The following SGSM2 variants were observed in gnomAD, a reference collection of about 807,000 sequenced individuals.
SGSM2 encodes RUN and TBC1 domain containing 1.
SGSM2 carries 89 observed loss-of-function variants against 126.6 expected under a neutral mutation model. The observed-to-expected ratio is 0.70, with a 90% confidence interval of 0.59 to 0.84. The LOEUF is 0.84. SGSM2 is among the 40% of genes least tolerant of loss of function. The pLI is 0.00. For synonymous variants in SGSM2, 614 were observed against 574.3 expected, an observed-to-expected ratio of 1.07 and a Z score of -0.99; for missense variants, 1,404 against 1,416.6, an observed-to-expected ratio of 0.99 and a Z score of 0.14.
At chr17:2,377,420 G>C (rs1366987185) in intron 21 of SGSM2, 6 of 202,894 alleles carry the variant, frequency 3.0e-5, no homozygotes, top group African/African-American at 4.9e-5. Context: ...GGAGGTGGAG[G>C]TTGCAGTGAG....
At position 2,364,584 on chromosome 17, in the gene SGSM2, G is replaced by T; in HGVS notation, c.933-12G>T. The T allele has an allele frequency of 1.2e-6, 2 of 1,614,058 alleles. No homozygotes were observed. The highest frequency in any genetic ancestry group is 2.2e-5 in the South Asian group (2 of 91,086). ...CTTTGGACACAGTGACAGCAGTCTG[G>T]TTCCTTTCTAGCGTTTACTGGGACT... is the stretch of plus-strand genomic sequence containing the variant. On this transcript the variant is annotated splice_polypyrimidine_tract_variant and intron_variant, in intron 8 of 23. Coordinates refer to ENST00000268989, the MANE Select transcript of SGSM2 (RefSeq NM_014853.3).
chr17:2,343,207 A>AC (rs1268752730), intron 1 of SGSM2, among the ~76,000 whole-genome samples: 1 of 152,120 alleles, frequency 6.6e-6, no homozygotes, highest in African/African-American at 2.4e-5. Flanking sequence ...TCTCTAAAGG[A>AC]CAGTATATCT....
Position 2,380,029 on chromosome 17 carries a change from G to A in SGSM2, c.*509G>A, listed in dbSNP as rs1597405280. ...AAAACTGCTTCTGGTTTAGGCACAC[G>A]TCACGGGTGCGGGAGACCCGGGCAC... On this transcript the variant is annotated 3_prime_UTR_variant, in exon 24 of 24. Transcript: ENST00000268989. 31 of 1,404,846 alleles carry A rather than the reference G, an allele frequency of 2.2e-5. 2 individuals are homozygous for A. The South Asian group carries it at 3.6e-4, about 17-fold the overall frequency. 87.0% of individuals were successfully genotyped at this position (1,404,846 alleles called of 1,614,324 possible). A position where few individuals can be genotyped will look rare whatever the true frequency, so the allele number is the denominator to read the frequency against.
chr17:2,345,764 A>G (rs1378394425), intron 2 of SGSM2, among the ~76,000 whole-genome samples: 5 of 152,098 alleles, frequency 3.3e-5, no homozygotes, highest in African/African-American at 1.2e-4. Flanking sequence ...AGAGGTTCCA[A>G]CAGTATCGGG....
intron 2 of SGSM2, among the ~76,000 whole-genome samples, chr17:2,353,775 A>C (rs2064973679): frequency 6.6e-6 from 1 of 150,982 alleles, no homozygotes; most frequent in African/African-American, 2.4e-5. Context: ...TTAAAAAAAA[A>C]AGCGTGCAGT....
At chr17:2,376,598 G>A in intron 19 of SGSM2, 135 bp from the exon 20 acceptor site, 2 of 957,616 alleles carry the variant, frequency 2.1e-6, no homozygotes, top group Non-Finnish European at 3.3e-6. Flanking sequence ...CCTGTGGGGG[G>A]TGCACAGTAC....
In SGSM2 at chr17:2,375,605, G is replaced by A. The variant is rs925357619; in HGVS notation, c.2214G>A (p.Glu738=). 6.2e-6 allele frequency: 10 copies of A among 1,613,884 alleles called. No homozygotes were observed. The highest frequency in any genetic ancestry group is 1.7e-5 in the Admixed American group (1 of 60,008). ...GPGTPGTAVV[E]QQHSVEFDSP... ...GGACTCCGGGCACCGCCGTGGTGGA[G>A]CAGCAGCATTCCGTGGAGTTCGACT... Residue 738 remains glutamate (E), a synonymous_variant, in exon 18 of 24, where the codon GAG becomes GAA. Coordinates refer to ENST00000268989, the MANE Select transcript of SGSM2 (RefSeq NM_014853.3).
rs761789189 is a variant in SGSM2 at position 2,372,145 on chromosome 17, A to G, written c.1578-45A>G. 2.5e-6 allele frequency: 4 copies of G among 1,602,008 alleles called. No individual in the cohort carries two copies. Among genetic ancestry groups the G allele is most frequent in the Non-Finnish European group, 1.7e-6 (2 of 1,170,354 alleles). On this transcript the variant is annotated intron_variant, in intron 13 of 23. Coordinates refer to ENST00000268989, the MANE Select transcript of SGSM2 (RefSeq NM_014853.3). This position sits in a 1 kb window ranked among gnomAD's most constrained non-coding sequence, Gnocchi z 6.0. ...CCTCCCTTCTCTCTCTCCTCCCACCAGAGGGGCCGCAGCCCCTCCCTGCTG... is the reference window on the plus strand; with the variant it reads ...CCTCCCTTCTCTCTCTCCTCCCACCGGAGGGGCCGCAGCCCCTCCCTGCTG...
At position 2,363,949 on chromosome 17, in the gene SGSM2, A is replaced by G; in HGVS notation, c.808-110A>G. ...CCCGTCCCTAGTCCAGGACCCCGTG[A>G]CTAGCCTAGCTTGGCCTCCCCTCCT... On this transcript the variant is annotated intron_variant, in intron 7 of 23. Coordinates refer to ENST00000268989, the MANE Select transcript of SGSM2 (RefSeq NM_014853.3). The surrounding 1 kb of genome is among the most constrained non-coding windows in gnomAD (Gnocchi z 4.2). 19 of 1,368,576 alleles carry G rather than the reference A, an allele frequency of 1.4e-5. No individual in the cohort carries two copies. Among genetic ancestry groups the G allele is most frequent in the Non-Finnish European group, 2.0e-5 (19 of 972,708 alleles). 84.8% of individuals were successfully genotyped at this position (1,368,576 alleles called of 1,614,324 possible). A position where few individuals can be genotyped will look rare whatever the true frequency, so the allele number is the denominator to read the frequency against.
At chr17:2,375,279 C>T (rs1285182591) in intron 17 of SGSM2, 3 of 544,578 alleles carry the variant, frequency 5.5e-6, no homozygotes, top group South Asian at 2.6e-5. Context: ...GGGCTGAAGA[C>T]GTGTCTTCAT....
At chr17:2,376,610 T>C (rs1447784027) in intron 19 of SGSM2, 123 bp from the exon 20 acceptor site, 11 of 1,054,072 alleles carry the variant, frequency 1.0e-5, no homozygotes, top group Non-Finnish European at 1.6e-5. Flanking sequence ...GCACAGTACA[T>C]GCCTTAGGGT....
In SGSM2 at chr17:2,363,209, C is replaced by T. The variant is rs552312797; in HGVS notation, c.672+75C>T. The T allele has an allele frequency of 6.0e-6, 9 of 1,493,088 alleles. No homozygotes were observed. Among genetic ancestry groups the T allele is most frequent in the Admixed American group, 2.1e-5 (1 of 47,166 alleles). The allele number at this position is 1,493,088 out of a possible 1,614,324, so 92.5% of individuals were successfully genotyped here. A position where few individuals can be genotyped will look rare whatever the true frequency, so the allele number is the denominator to read the frequency against. On this transcript the variant is annotated intron_variant, in intron 6 of 23. Transcript: ENST00000268989. The surrounding 1 kb of genome is among the most constrained non-coding windows in gnomAD (Gnocchi z 4.2). ...GCCTGTAGGGACGGGAAACCGGCCT[C>T]TCTACGGGACAGGCCTTGGAGATGC...
At chr17:2,373,720 G>C in intron 17 of SGSM2, 2 of 582,550 alleles carry the variant, frequency 3.4e-6, no homozygotes, top group Non-Finnish European at 6.1e-6. Flanking sequence ...AATAAAGTGA[G>C]AGAGTGCATT....
intron 1 of SGSM2, among the ~76,000 whole-genome samples, chr17:2,343,150 G>A (rs1480610262): frequency 6.6e-6 from 1 of 152,174 alleles, no homozygotes. Context: ...AGGGAGAAAA[G>A]GAGGAGGGGC....
chr17:2,374,066 G>A (rs1597388831), intron 17 of SGSM2: 1 of 152,614 alleles, frequency 6.6e-6, no homozygotes, highest in South Asian at 2.1e-4. Flanking sequence ...TGGCAGGCTT[G>A]TTCGGAGCAC....
intron 18 of SGSM2, 95 bp downstream of exon 18, chr17:2,375,970 G>A (rs555599871): frequency 1.6e-4 from 242 of 1,501,146 alleles, no homozygotes; most frequent in African/African-American, 1.4e-3. Context: ...AAGGCGGGGC[G>A]CCCTGACTGC....
At position 2,363,030 on chromosome 17, in the gene SGSM2, G is replaced by A. The variant is rs146045413; in HGVS notation, c.568G>A (p.Asp190Asn). Residue 190 changes from aspartate (D) to asparagine (N), a missense_variant, in exon 6 of 24, where the codon GAT becomes AAT. Transcript: ENST00000268989. The surrounding 1 kb of genome is among the most constrained non-coding windows in gnomAD (Gnocchi z 4.2). ...GGAATACACTAAGCTCAAGACAGCC[G>A]ATCACTACTGGACTGACCCCTCTGC... is the stretch of plus-strand genomic sequence containing the variant. The part of the protein sequence containing the change: ...ALEYTKLKTA[D>N]HYWTDPSADE... The A allele has an allele frequency of 1.7e-5, 28 of 1,614,002 alleles. No homozygotes were observed. The East Asian group carries it at 3.6e-4, about 21-fold the overall frequency.
chr17:2,357,071 G>T (rs886438986), intron 2 of SGSM2, among the ~76,000 whole-genome samples: 1 of 152,090 alleles, frequency 6.6e-6, no homozygotes, highest in Non-Finnish European at 1.5e-5. Context: ...CCAGCCGTGT[G>T]TAGCATTTGT....
rs368046407 is a variant in SGSM2, at chr17:2,361,617, C to T, written c.134-20C>T. 700 of 1,611,772 alleles carry T rather than the reference C, an allele frequency of 4.3e-4. No individual in the cohort carries two copies. Among genetic ancestry groups the T allele is most frequent in the Non-Finnish European group, 5.7e-4 (668 of 1,179,422 alleles). ...CCCCGTCTTTCCCAGGCTCAGATGC[C>T]GTTTCCCTTTGTGGCCTAGGTGCAG... On this transcript the variant is annotated intron_variant, in intron 2 of 23. Coordinates refer to ENST00000268989, the MANE Select transcript of SGSM2 (RefSeq NM_014853.3).
Sources: allele counts gnomAD v4.1 joint callset (sites outside exome capture counted in the v4.1 genomes callset), GRCh38; gene constraint gnomAD v4.1.1; non-coding constraint Gnocchi (gnomAD v3.1); transcripts MANE v1.5; gene names NCBI Gene and HGNC (gene_info 2026-07-23, HGNC 2026-07-21).